Variants in CENPL observed in about 807,000 individuals in gnomAD.
CENPL encodes centromere protein L.
Under a neutral mutation model 35.2 loss-of-function variants are expected in CENPL, and 20 were observed. That is an observed-to-expected ratio of 0.57 (90% confidence interval 0.40 to 0.83). The LOEUF is 0.83. Ranked by LOEUF, CENPL falls within the 40% of genes least tolerant of loss-of-function variation. CENPL has a pLI of 0.00. For synonymous variants in CENPL, 140 were observed against 140.6 expected (o/e 1.00, Z 0.03); for missense variants, 363 against 395.8 (o/e 0.92, Z 0.70).
chr1:173,815,424 GCA>G (rs1651266211), intron 2 of CENPL, among the ~76,000 whole-genome samples: 1 of 152,140 alleles, frequency 6.6e-6, no homozygotes, highest in Non-Finnish European at 1.5e-5. Context: ...GAACATGGAT[GCA>G]AAAATCCTCA....
rs752319641 is a variant in CENPL, at chr1:173,807,402, G to A, written c.285C>T (p.Leu95=). 32 of 1,613,084 alleles carry A rather than the reference G, an allele frequency of 2.0e-5. No homozygotes were observed. The highest frequency in any genetic ancestry group is 1.8e-4 in the Admixed American group (11 of 59,970). The change falls in exon 4 of 6, where the codon CTC becomes CTT. Residue 95 remains leucine (L), a synonymous_variant. Transcript: ENST00000682279. ...GCTTTTCAGCAACAATAAAAGCATTGAGAAGTCTAGAATACTCTTTGAGAT... is the reference window on the plus strand; with the variant it reads ...GCTTTTCAGCAACAATAAAAGCATTAAGAAGTCTAGAATACTCTTTGAGAT... ...YSNLKEYSRL[L]NAFIVAEKQK...
intron 2 of CENPL, chr1:173,822,026 A>G (rs1351847000): frequency 6.6e-6 from 1 of 151,606 alleles, no homozygotes; most frequent in Non-Finnish European, 1.5e-5. Context: ...CTTTTCTTTC[A>G]CTGCCAAGCA....
At chr1:173,822,220 G>A (rs1168260574) in intron 2 of CENPL, 1 of 152,104 alleles carries the variant, frequency 6.6e-6, no homozygotes, top group African/African-American at 2.4e-5. Context: ...TACTTTCGAA[G>A]ATCATTGTTT....
Position 173,803,252 on chromosome 1 carries a change from C to G in CENPL, c.674G>C (p.Trp225Ser). Reference sequence around the variant, plus strand: ...ATAATGGTCCATTTTGCATGCAGTCCACATGGCAGCCATCCAGGAAAGATT... The same window carrying G: ...ATAATGGTCCATTTTGCATGCAGTCGACATGGCAGCCATCCAGGAAAGATT... ...AFNLSWMAAMWTACKMDHYVA... is the reference protein window; with the variant it reads ...AFNLSWMAAMSTACKMDHYVA... The change falls in exon 5 of 6, where the codon TGG becomes TCG. Residue 225 changes from tryptophan (W) to serine (S), a missense_variant. Coordinates refer to ENST00000682279, the MANE Select transcript of CENPL (RefSeq NM_001387287.1). The G allele has an allele frequency of 6.2e-7, 1 of 1,613,914 alleles. No homozygotes were observed. Among genetic ancestry groups the G allele is most frequent in the African/African-American group, 1.3e-5 (1 of 75,022 alleles).
chr1:173,824,260 G>A lies in CENPL; in HGVS notation c.-150C>T, dbSNP rs1652318392. ...GCGGAGTCAGCTTCTGCTCGCGGAG[G>A]GGGAAGGGCAAAAGGACAGTGCGTC... On this transcript the variant is annotated 5_prime_UTR_variant, in exon 1 of 6. Coordinates refer to ENST00000682279, the MANE Select transcript of CENPL (RefSeq NM_001387287.1). 6.6e-6 allele frequency: 1 copy of A among 152,250 alleles called. No homozygotes were observed. The highest frequency in any genetic ancestry group is 2.4e-5 in the African/African-American group (1 of 41,450). The allele number at this position is 152,250 out of a possible 1,614,324, so 9.4% of individuals were successfully genotyped here.
Position 173,807,393 on chromosome 1 carries a change from A to C in CENPL, c.294T>G (p.Phe98Leu), listed in dbSNP as rs1422081628. ...GTCCTTTTTGCTTTTCAGCAACAAT[A>C]AAAGCATTGAGAAGTCTAGAATACT... ...LKEYSRLLNA[F>L]IVAEKQKGLA... The change falls in exon 4 of 6, where the codon TTT becomes TTG. Residue 98 changes from phenylalanine (F) to leucine (L), a missense_variant. Coordinates refer to ENST00000682279, the MANE Select transcript of CENPL (RefSeq NM_001387287.1). The C allele has an allele frequency of 1.9e-6, 3 of 1,613,688 alleles. No individual in the cohort carries two copies. In the East Asian group the frequency reaches 6.7e-5, roughly 36 times the overall value.
At chr1:173,812,117 G>A (rs980059994) in intron 2 of CENPL, among the ~76,000 whole-genome samples, 2 of 152,260 alleles carry the variant, frequency 1.3e-5, no homozygotes, top group African/African-American at 4.8e-5. Flanking sequence ...TGGTGGGGAG[G>A]GGCGTCCGCC....
intron 5 of CENPL, among the ~76,000 whole-genome samples, chr1:173,801,900 G>GT (rs1455786383): frequency 2.6e-5 from 4 of 151,868 alleles, no homozygotes; most frequent in Non-Finnish European, 4.4e-5. Context: ...GCTCATGCTT[G>GT]TAGTCCCAGC....
rs1469001276 is a variant in CENPL at position 173,803,924 on chromosome 1, G to A, written c.421-419C>T. 3.3e-5 allele frequency among the ~76,000 whole-genome samples: 5 copies of A among 152,116 alleles called. No homozygotes were observed. The East Asian group carries it at 9.7e-4, about 29-fold the overall frequency. On this transcript the variant is annotated intron_variant, in intron 4 of 5. Transcript: ENST00000682279. ...TGACCTCAGGTGATCTGCCCACCTCGGCCACCCAAAGTACTAGGATTATAG... is the reference window on the plus strand; with the variant it reads ...TGACCTCAGGTGATCTGCCCACCTCAGCCACCCAAAGTACTAGGATTATAG...
chr1:173,803,226 C>T lies in CENPL; in HGVS notation c.700G>A (p.Val234Met), dbSNP rs1485354608. ...GACCAAAGAAATTCAGTAGTAGCCA[C>T]ATAATGGTCCATTTTGCATGCAGTC... ...MWTACKMDHY[V>M]ATTEFLWSVP... Residue 234 changes from valine (V) to methionine (M), a missense_variant, in exon 5 of 6, where the codon GTG (valine) becomes ATG (methionine). By Grantham distance (21) the Val-to-Met change is conservative. Transcript: ENST00000682279. 2 of 1,613,834 alleles carry T rather than the reference C, an allele frequency of 1.2e-6. No individual in the cohort carries two copies. Among genetic ancestry groups the T allele is most frequent in the East Asian group, 4.5e-5 (2 of 44,896 alleles).
At chr1:173,822,693 C>T (rs1186462463) in intron 2 of CENPL, 1 of 152,148 alleles carries the variant, frequency 6.6e-6, no homozygotes, top group African/African-American at 2.4e-5. Flanking sequence ...TCAACATCAC[C>T]TTTACATCTA....
intron 2 of CENPL, 48 bp from the exon 3 acceptor site, chr1:173,811,354 T>C (rs1650807821): frequency 1.8e-5 from 24 of 1,307,268 alleles, no homozygotes; most frequent in Non-Finnish European, 2.5e-5. Flanking sequence ...AAAAAGTTAA[T>C]TCATGCTTAC....
intron 3 of CENPL, among the ~76,000 whole-genome samples, chr1:173,810,447 A>G (rs1650699395): frequency 6.6e-6 from 1 of 151,976 alleles, no homozygotes; most frequent in African/African-American, 2.4e-5. Context: ...TAATCTGTAC[A>G]ACCAACCCCC....
rs1362936641 is a variant in CENPL, at chr1:173,811,172, G to A, written c.128C>T (p.Thr43Ile). 3.7e-6 allele frequency: 6 copies of A among 1,613,774 alleles called. No individual in the cohort carries two copies. The highest frequency in any genetic ancestry group is 1.3e-5 in the African/African-American group (1 of 74,930). Residue 43 changes from threonine (T) to isoleucine (I), a missense_variant, in exon 3 of 6, where the codon ACT becomes ATT. Thr to Ile is a moderately conservative substitution (Grantham distance 89). Coordinates refer to ENST00000682279, the MANE Select transcript of CENPL (RefSeq NM_001387287.1). ...SVRKQSSFILTPPRRKIPQCS... is the reference protein window; with the variant it reads ...SVRKQSSFILIPPRRKIPQCS... ...CTGGGGAATTTTCCTTCGAGGTGGAGTCAGGATAAATGAACTCTGCTTCCT... is the reference window on the plus strand; with the variant it reads ...CTGGGGAATTTTCCTTCGAGGTGGAATCAGGATAAATGAACTCTGCTTCCT...
chr1:173,812,019 G>A lies in CENPL; in HGVS notation c.-7-713C>T, dbSNP rs111414702. On this transcript the variant is annotated intron_variant, in intron 2 of 5. Coordinates refer to ENST00000682279, the MANE Select transcript of CENPL (RefSeq NM_001387287.1). ...CCGGCAGACTAGGAGATTCTCTCCC[G>A]TGCCTGGCTTGGTGGGTCCCACACC... is the stretch of plus-strand genomic sequence containing the variant. Among the ~76,000 whole-genome samples, 1,423 of 152,352 alleles carry A rather than the reference G, an allele frequency of 9.3e-3. 21 individuals are homozygous for A. The highest frequency in any genetic ancestry group is 0.031 in the African/African-American group (1,293 of 41,584).
rs150724604 is a variant in CENPL at position 173,803,022 on chromosome 1, T to A, written c.904A>T (p.Thr302Ser). The change falls in exon 5 of 6, where the codon ACA becomes TCA. Residue 302 changes from threonine to serine, a missense_variant. Transcript: ENST00000682279. ...GATGTTGAAACACGAACTAATCTTG[T>A]GGCTGATAAATGAATTTTGAAATGT... is the stretch of plus-strand genomic sequence containing the variant. Reference protein sequence around the residue: ...HRHFKIHLSATRLVRVSTSVA... With the variant: ...HRHFKIHLSASRLVRVSTSVA... The A allele has an allele frequency of 6.2e-7, 1 of 1,613,856 alleles. No individual in the cohort carries two copies. Among genetic ancestry groups the A allele is most frequent in the Non-Finnish European group, 8.5e-7 (1 of 1,179,750 alleles).
At position 173,800,030 on chromosome 1, in the gene CENPL, T is replaced by C. The variant is rs1233690871; in HGVS notation, c.*418A>G. On this transcript the variant is annotated 3_prime_UTR_variant, in exon 6 of 6. Coordinates refer to ENST00000682279, the MANE Select transcript of CENPL (RefSeq NM_001387287.1). ...ATGTGCCACCACGCCCAGCTAATTA[T>C]TGTATTTTCAGTAGAGAAGGGGTTT... 1 of 152,834 alleles carries C rather than the reference T, an allele frequency of 6.5e-6. No homozygotes were observed. The highest frequency in any genetic ancestry group is 6.5e-5 in the Admixed American group (1 of 15,370). 9.5% of individuals were successfully genotyped at this position (152,834 alleles called of 1,614,324 possible). A position where few individuals can be genotyped will look rare whatever the true frequency, so the allele number is the denominator to read the frequency against.
rs1649600738 is a variant in CENPL, at chr1:173,799,932, G to C, written c.*516C>G. ...GCTGGAGTGCAGTGGTGCAGTCTTG[G>C]CTCACTGCAGCCTGTCTTCTGGGTT... On this transcript the variant is annotated 3_prime_UTR_variant, in exon 6 of 6. Transcript: ENST00000682279. 6.6e-6 allele frequency: 1 copy of C among 152,214 alleles called. No homozygotes were observed. 9.4% of individuals were successfully genotyped at this position (152,214 alleles called of 1,614,324 possible). A position where few individuals can be genotyped will look rare whatever the true frequency, so the allele number is the denominator to read the frequency against.
intron 2 of CENPL, among the ~76,000 whole-genome samples, chr1:173,813,415 C>A (rs997554070): frequency 2.0e-5 from 3 of 152,142 alleles, no homozygotes; most frequent in Non-Finnish European, 2.9e-5. Flanking sequence ...ATGTTAAGGG[C>A]AGCCAGAGAG....
Sources: gnomAD v4.1 joint callset for allele counts (sites outside exome capture counted in the v4.1 genomes callset) on GRCh38, gnomAD v4.1.1 for gene constraint, MANE v1.5 for transcripts, NCBI Gene and HGNC (gene_info 2026-07-23, HGNC 2026-07-21) for gene names.